Variants in RGPD2 observed in about 807,000 individuals in gnomAD.
RGPD2 encodes the protein RANBP2 like and GRIP domain containing 2.
Under a neutral mutation model 36.0 loss-of-function variants are expected in RGPD2, and 2 were observed. The ratio of observed to expected loss-of-function variants is 0.06; its 90% CI spans 0.02 to 0.17. RGPD2 has a LOEUF of 0.17. RGPD2 is among the 10% of genes least tolerant of loss of function. The pLI is 1.00. For synonymous variants in RGPD2, 19 were observed against 163.8 expected (o/e 0.12, Z 6.75); for missense variants, 40 against 464.3 (o/e 0.09, Z 8.40).
the RGPD2 span, among the ~76,000 whole-genome samples, chr2:87,986,953 T>G: frequency 1.5e-4 from 22 of 145,960 alleles, no homozygotes; most frequent in Non-Finnish European, 4.5e-5. Context: ...GCCTACATAC[T>G]TCAGTAAATA....
At chr2:87,852,638 C>T in the RGPD2 span, among the ~76,000 whole-genome samples, 2 of 152,256 alleles carry the variant, frequency 1.3e-5, no homozygotes, top group Admixed American at 6.5e-5. Flanking sequence ...GGCCTCTATG[C>T]TATTGATTGT....
chr2:87,910,666 C>G, the RGPD2 span, among the ~76,000 whole-genome samples: 3 of 149,296 alleles, frequency 2.0e-5, no homozygotes, highest in East Asian at 5.8e-4. Context: ...AAAACCCCAA[C>G]AAAATAGCAA....
the RGPD2 span, among the ~76,000 whole-genome samples, chr2:87,886,530 T>C: frequency 6.6e-6 from 1 of 151,976 alleles, no homozygotes; most frequent in East Asian, 1.9e-4. Context: ...ATAAATTTCT[T>C]TGGTCCTCTC....
chr2:87,824,728 C>CACATTAA (rs1686558284), intron 1 of RGPD2, among the ~76,000 whole-genome samples: 2 of 118,336 alleles, frequency 1.7e-5, no homozygotes, highest in East Asian at 2.2e-4. Context: ...GCCGCCGCCG[C>CACATTAA]CCGGCCAGGC....
chr2:87,877,788 G>C, the RGPD2 span, among the ~76,000 whole-genome samples: 1 of 113,170 alleles, frequency 8.8e-6, no homozygotes, highest in Admixed American at 1.3e-4. Context: ...CTGGGCAACA[G>C]AGTGAGACTC....
At position 87,825,251 on chromosome 2, in the gene RGPD2, T is replaced by C. The variant is rs1452672517; in HGVS notation, c.72+407A>G. On this transcript the variant is annotated intron_variant, in intron 1 of 22. Transcript: ENST00000398146. ...CTAATTACCACCCAACAATGACTAA[T>C]CCAACTAACCTCAAAACAAATGATA... is the stretch of plus-strand genomic sequence containing the variant. The C allele has an allele frequency of 1.0e-5, 4 of 394,196 alleles. No individual in the cohort carries two copies. The East Asian group carries it at 1.4e-4, about 14-fold the overall frequency. The allele number at this position is 394,196 out of a possible 1,614,324, so 24.4% of individuals were successfully genotyped here.
chr2:87,823,696 G>GTA (rs1406576568), intron 1 of RGPD2, among the ~76,000 whole-genome samples: 1 of 142,012 alleles, frequency 7.0e-6, no homozygotes, highest in Non-Finnish European at 1.5e-5. Context: ...AATAACAAAA[G>GTA]TATATGTGTG....
chr2:87,985,776 A>C, the RGPD2 span: 5 of 1,610,700 alleles, frequency 3.1e-6, no homozygotes, highest in South Asian at 5.5e-5. Context: ...CACGTTCATG[A>C]GACAAGTCAC....
At chr2:87,885,570 T>G in the RGPD2 span, among the ~76,000 whole-genome samples, 1 of 150,562 alleles carries the variant, frequency 6.6e-6, no homozygotes, top group East Asian at 1.9e-4. Context: ...TATCTCTGTT[T>G]CTTTGCAACC....
the RGPD2 span, among the ~76,000 whole-genome samples, chr2:87,853,481 C>A: frequency 6.6e-6 from 1 of 151,626 alleles, no homozygotes; most frequent in Non-Finnish European, 1.5e-5. Flanking sequence ...ACCTTGGCCT[C>A]CCAAAGCACT....
chr2:87,882,148 T>C, the RGPD2 span, among the ~76,000 whole-genome samples: 1 of 152,166 alleles, frequency 6.6e-6, no homozygotes, highest in Non-Finnish European at 1.5e-5. Context: ...CATCACAACA[T>C]GAGATTTGGA....
the RGPD2 span, among the ~76,000 whole-genome samples, chr2:87,866,155 GAAGAT>G: frequency 1.4e-5 from 2 of 140,420 alleles, no homozygotes; most frequent in Non-Finnish European, 3.1e-5. Context: ...AATAAATTTG[GAAGAT>G]AAATTTGCTG....
At chr2:87,911,716 AATTTAC>A in the RGPD2 span, among the ~76,000 whole-genome samples, 1 of 152,174 alleles carries the variant, frequency 6.6e-6, no homozygotes, top group African/African-American at 2.4e-5. Flanking sequence ...CAGCTATGTG[AATTTAC>A]ATTAAATGCT....
At chr2:87,911,662 G>T in the RGPD2 span, among the ~76,000 whole-genome samples, 1 of 151,992 alleles carries the variant, frequency 6.6e-6, no homozygotes, top group South Asian at 2.1e-4. Context: ...TGACTAACAG[G>T]AGTGTTTGAC....
chr2:87,825,295 G>A (rs1009651574), intron 1 of RGPD2, among the ~76,000 whole-genome samples: 1 of 151,622 alleles, frequency 6.6e-6, no homozygotes, highest in East Asian at 2.0e-4. Context: ...CAACACTAAA[G>A]GGCGAACCTG....
the RGPD2 span, among the ~76,000 whole-genome samples, chr2:87,872,907 G>A: frequency 3.3e-5 from 5 of 152,196 alleles, no homozygotes; most frequent in African/African-American, 4.8e-5. Context: ...TTACAGGCAC[G>A]TGTCACCCTG....
chr2:87,824,714 GGCC>G (rs1163205537), intron 1 of RGPD2, among the ~76,000 whole-genome samples: 2 of 78,536 alleles, frequency 2.5e-5, no homozygotes, highest in East Asian at 5.5e-4. Flanking sequence ...CCGAGGCCGA[GGCC>G]GCCGCCGCCG....
the RGPD2 span, among the ~76,000 whole-genome samples, chr2:87,858,152 C>CAGG: frequency 6.6e-5 from 10 of 152,194 alleles, no homozygotes; most frequent in East Asian, 1.9e-3. Flanking sequence ...GTGGTGCGTG[C>CAGG]CTGTAATCCC....
chr2:87,881,399 ACTC>A, the RGPD2 span, among the ~76,000 whole-genome samples: 4 of 152,220 alleles, frequency 2.6e-5, no homozygotes, highest in Non-Finnish European at 5.9e-5. Flanking sequence ...TGAGGGCTCT[ACTC>A]CTGCAGCGCA....
Sources: allele counts gnomAD v4.1 joint callset (sites outside exome capture counted in the v4.1 genomes callset), GRCh38; gene constraint gnomAD v4.1.1; transcripts MANE v1.5; gene names NCBI Gene and HGNC (gene_info 2026-07-23, HGNC 2026-07-21).